Variants in CDC42BPA observed in about 807,000 individuals in gnomAD.
CDC42BPA encodes CDC42 binding protein kinase alpha.
Under a neutral mutation model 223.5 loss-of-function variants are expected in CDC42BPA, and 80 were observed. The ratio of observed to expected loss-of-function variants is 0.36; its 90% CI spans 0.30 to 0.43. The LOEUF is 0.43. Ranked by LOEUF, CDC42BPA falls within the 20% of genes least tolerant of loss-of-function variation. The pLI is 1.00. For missense variants in CDC42BPA, 1,743 were observed against 2,099.9 expected, an observed-to-expected ratio of 0.83 and a Z score of 3.32; for synonymous variants, 694 against 718.6, an observed-to-expected ratio of 0.97 and a Z score of 0.55.
rs10629910 is a variant in CDC42BPA at position 227,289,888 on chromosome 1, C to CAAAA, written c.178+27113_178+27116dup. On this transcript the variant is annotated intron_variant, in intron 1 of 36. Coordinates refer to ENST00000366766, the MANE Select transcript of CDC42BPA (RefSeq NM_001394014.1). ...GCAACATGGTGAGACCCTGTCTCTACAAAAAAAAAAAAAAAAGCTAGGCAT... is the reference window on the plus strand; with the variant it reads ...GCAACATGGTGAGACCCTGTCTCTACAAAAAAAAAAAAAAAAAAAAGCTAGGCAT... Among the ~76,000 whole-genome samples, 93 of 121,014 alleles carry CAAAA rather than the reference C, an allele frequency of 7.7e-4. 6 individuals are homozygous for CAAAA. The South Asian group carries it at 0.02, about 26-fold the overall frequency. The allele number at this position is 121,014 out of a possible 152,430, so 79.4% of individuals were successfully genotyped here.
chr1:227,024,075 A>C (rs951974587), intron 31 of CDC42BPA, among the ~76,000 whole-genome samples: 1 of 152,204 alleles, frequency 6.6e-6, no homozygotes, highest in African/African-American at 2.4e-5. Context: ...AAAAAGATTT[A>C]CATATCCATT....
At chr1:227,098,850 A>G (rs1684470941) in intron 15 of CDC42BPA, among the ~76,000 whole-genome samples, 1 of 151,872 alleles carries the variant, frequency 6.6e-6, no homozygotes, top group South Asian at 2.1e-4. Flanking sequence ...AACACAAATC[A>G]GTTGTCACTT....
intron 10 of CDC42BPA, among the ~76,000 whole-genome samples, chr1:227,131,371 A>G (rs74475302): frequency 0.054 from 8,197 of 152,288 alleles, 252 homozygotes; most frequent in Non-Finnish European, 0.072. Context: ...AGAATTAGGT[A>G]TGTGACCTAG....
At chr1:227,156,247 A>G (rs1053423487) in intron 6 of CDC42BPA, among the ~76,000 whole-genome samples, 9 of 151,970 alleles carry the variant, frequency 5.9e-5, no homozygotes, top group Admixed American at 2.6e-4. Flanking sequence ...CCAGGTCCCA[A>G]GCTCAAGCGA....
At chr1:227,033,529 T>A in intron 26 of CDC42BPA, 114 bp from the exon 27 acceptor site, 1 of 631,122 alleles carries the variant, frequency 1.6e-6, no homozygotes, top group Admixed American at 2.8e-5. Context: ...CACCCAAATT[T>A]AATTTTTTAA....
At chr1:227,186,774 A>C (rs1668841065) in intron 5 of CDC42BPA, among the ~76,000 whole-genome samples, 1 of 152,206 alleles carries the variant, frequency 6.6e-6, no homozygotes, top group South Asian at 2.1e-4. Context: ...AAAATTTAGT[A>C]GGCCCAGAGA....
At position 227,027,242 on chromosome 1, in the gene CDC42BPA, A is replaced by G. The variant is rs75803850; in HGVS notation, c.4433-1090T>C. 6.6e-3 allele frequency among the ~76,000 whole-genome samples: 1,011 copies of G among 152,330 alleles called. 4 individuals are homozygous for G. Among genetic ancestry groups the G allele is most frequent in the African/African-American group, 0.016 (666 of 41,564 alleles). ...CAGGATGGAGGGTGGGGGAAAAAAAAGTCTGGATGGGTAGAACTAGAGGTA... is the reference window on the plus strand; with the variant it reads ...CAGGATGGAGGGTGGGGGAAAAAAAGGTCTGGATGGGTAGAACTAGAGGTA... On this transcript the variant is annotated intron_variant, in intron 30 of 36. Coordinates refer to ENST00000366766, the MANE Select transcript of CDC42BPA (RefSeq NM_001394014.1).
At position 227,100,994 on chromosome 1, in the gene CDC42BPA, T is replaced by G. The variant is rs760587783; in HGVS notation, c.2247A>C (p.Glu749Asp). 1 of 1,480,018 alleles carries G rather than the reference T, an allele frequency of 6.8e-7. No individual in the cohort carries two copies. Among genetic ancestry groups the G allele is most frequent in the South Asian group, 1.2e-5 (1 of 85,530 alleles). The allele number at this position is 1,480,018 out of a possible 1,614,324, so 91.7% of individuals were successfully genotyped here. Residue 749 changes from glutamate to aspartate, a missense_variant and splice_region_variant, in exon 15 of 37, where the codon GAA becomes GAC. By Grantham distance (45) the Glu-to-Asp change is conservative. Coordinates refer to ENST00000366766, the MANE Select transcript of CDC42BPA (RefSeq NM_001394014.1). ...LKDKLEKTRR[E>D]SQSEREEFES... ...ATAGTAAATAATGTGATTCTTACCT[T>G]TCTCTTCTGGTTTTTTCCAATTTGT... is the stretch of plus-strand genomic sequence containing the variant.
Position 227,142,947 on chromosome 1 carries a change from G to C in CDC42BPA, c.1221C>G (p.Ser407Arg), listed in dbSNP as rs1165636000. ...LPFVGFTYTS[S>R]CVLSDRSCLR... Reference sequence around the variant, plus strand: ...CTATGTTAACTTTTCAAACTTACCAGCTACTAGTATATGTAAAACCAACAA... The same window carrying C: ...CTATGTTAACTTTTCAAACTTACCACCTACTAGTATATGTAAAACCAACAA... The change falls in exon 9 of 37, where the codon AGC (serine) becomes AGG (arginine). Residue 407 changes from serine to arginine, a missense_variant and splice_region_variant. Around this residue, in one of 6 missense-constraint regions of CDC42BPA, gnomAD observed 464 missense variants for 488.0 expected, o/e 0.95. Transcript: ENST00000366766. The C allele has an allele frequency of 6.4e-7, 1 of 1,553,100 alleles. No homozygotes were observed. Among genetic ancestry groups the C allele is most frequent in the Non-Finnish European group, 8.7e-7 (1 of 1,155,404 alleles).
chr1:227,186,344 T>G (rs1255917139), intron 5 of CDC42BPA, among the ~76,000 whole-genome samples: 2 of 152,186 alleles, frequency 1.3e-5, no homozygotes, highest in African/African-American at 4.8e-5. Context: ...ATTCTCTTCT[T>G]AAGAAGGCCT....
At chr1:227,016,432 A>C (rs1469533429) in intron 33 of CDC42BPA, among the ~76,000 whole-genome samples, 1 of 152,222 alleles carries the variant, frequency 6.6e-6, no homozygotes, top group Non-Finnish European at 1.5e-5. Flanking sequence ...TAAATACTTA[A>C]GACATCAAAG....
chr1:227,289,571 C>T (rs1689349260), intron 1 of CDC42BPA, among the ~76,000 whole-genome samples: 1 of 152,064 alleles, frequency 6.6e-6, no homozygotes. Context: ...CCTGACCTCC[C>T]CCCAAATTAT....
At position 227,163,030 on chromosome 1, in the gene CDC42BPA, A is replaced by ATG. The variant is rs1491526484; in HGVS notation, c.600-2395_600-2394insCA. On this transcript the variant is annotated intron_variant, in intron 5 of 36. Coordinates refer to ENST00000366766, the MANE Select transcript of CDC42BPA (RefSeq NM_001394014.1). Reference sequence around the variant, plus strand: ...TTTCCAAACGTGTATGTTTCCAAACATATGTGTTTCCAAACATATGTGTAT... The same window carrying ATG: ...TTTCCAAACGTGTATGTTTCCAAACATGTATGTGTTTCCAAACATATGTGTAT... Among the ~76,000 whole-genome samples the ATG allele has an allele frequency of 1.6e-3, 37 of 23,846 alleles. No homozygotes were observed. The South Asian group carries it at 0.038, about 25-fold the overall frequency. The allele number at this position is 23,846 out of a possible 152,430, so 15.6% of individuals were successfully genotyped here. A position where few individuals can be genotyped will look rare whatever the true frequency, so the allele number is the denominator to read the frequency against.
chr1:227,217,610 C>T (rs1165855507), intron 2 of CDC42BPA, among the ~76,000 whole-genome samples: 1 of 152,134 alleles, frequency 6.6e-6, no homozygotes, highest in African/African-American at 2.4e-5. Context: ...TGCTCCACAG[C>T]TTCCAATGGT....
intron 5 of CDC42BPA, among the ~76,000 whole-genome samples, chr1:227,168,497 GTTTT>G (rs1292387936): frequency 3.7e-5 from 3 of 80,196 alleles, no homozygotes; most frequent in Non-Finnish European, 4.7e-5. Context: ...CTTCCCTGGT[GTTTT>G]TTTTTTTTTT....
intron 6 of CDC42BPA, among the ~76,000 whole-genome samples, chr1:227,158,400 T>C (rs765157520): frequency 4.6e-5 from 7 of 152,176 alleles, no homozygotes; most frequent in African/African-American, 1.4e-4. Context: ...TTTTGAATCC[T>C]TGTCATTGTG....
intron 35 of CDC42BPA, among the ~76,000 whole-genome samples, chr1:227,001,148 C>T (rs2148313245): frequency 6.6e-6 from 1 of 152,314 alleles, no homozygotes; most frequent in African/African-American, 2.4e-5. Flanking sequence ...TTGAGTCTGG[C>T]TGTGGAAGAT....
chr1:227,200,778 C>A (rs1248962830), intron 3 of CDC42BPA, among the ~76,000 whole-genome samples: 1 of 152,164 alleles, frequency 6.6e-6, no homozygotes, highest in Non-Finnish European at 1.5e-5. Context: ...AATTGTCTTT[C>A]CTGAGTGCTA....
chr1:227,278,891 T>C (rs1315776090), intron 1 of CDC42BPA, among the ~76,000 whole-genome samples: 1 of 152,190 alleles, frequency 6.6e-6, no homozygotes, highest in Non-Finnish European at 1.5e-5. Flanking sequence ...GATTTAAATT[T>C]AAATTAGCCC....
Sources: gnomAD v4.1 joint callset for allele counts (sites outside exome capture counted in the v4.1 genomes callset) on GRCh38, gnomAD v4.1.1 for gene constraint, gnomAD v4.1.1 regional missense constraint, MANE v1.5 for transcripts, NCBI Gene and HGNC (gene_info 2026-07-23, HGNC 2026-07-21) for gene names.